The following CIMAP1C variants were observed in gnomAD, a reference collection of about 807,000 sequenced individuals.
CIMAP1C encodes the protein ciliary microtubule associated protein 1C.
At chr15:75,726,982 G>C in the CIMAP1C span, 2 of 1,540,676 alleles carry the variant, frequency 1.3e-6, no homozygotes. Flanking sequence ...TGGATAACCA[G>C]GACCATCAGT....
chr15:75,727,244 G>A, the CIMAP1C span: 1 of 1,614,192 alleles, frequency 6.2e-7, no homozygotes, highest in Non-Finnish European at 8.5e-7. Context: ...CAGCCGAGCT[G>A]CTCCCTGCTA....
the CIMAP1C span, chr15:75,727,239 G>A: frequency 8.1e-6 from 13 of 1,614,106 alleles, no homozygotes; most frequent in Admixed American, 1.7e-5. Context: ...CCTGTCAGCC[G>A]AGCTGCTCCC....
At chr15:75,726,130 G>A in the CIMAP1C span, 2 of 1,613,836 alleles carry the variant, frequency 1.2e-6, no homozygotes, top group Non-Finnish European at 1.7e-6. Context: ...GGAATGTCCA[G>A]CTGCCCGCAG....
chr15:75,726,136 C>T, the CIMAP1C span: 22 of 1,613,212 alleles, frequency 1.4e-5, no homozygotes, highest in East Asian at 2.2e-5. Context: ...TCCAGCTGCC[C>T]GCAGGTCCCC....
At chr15:75,725,025 T>C in the CIMAP1C span, 1 of 864,878 alleles carries the variant, frequency 1.2e-6, no homozygotes, top group Non-Finnish European at 1.9e-6. Context: ...ACCCCCAATG[T>C]TCCCATGGTG....
At chr15:75,727,128 C>A in the CIMAP1C span, 1 of 1,614,054 alleles carries the variant, frequency 6.2e-7, no homozygotes, top group Non-Finnish European at 8.5e-7. Flanking sequence ...GAACGCAGGG[C>A]TCCCCAGTAC....
the CIMAP1C span, chr15:75,725,235 C>T: frequency 1.2e-5 from 19 of 1,555,442 alleles, no homozygotes; most frequent in South Asian, 3.3e-5. Context: ...GTTGCCACCC[C>T]AGTCATCCGG....
chr15:75,725,767 GC>G, the CIMAP1C span, among the ~76,000 whole-genome samples: 579 of 152,356 alleles, frequency 3.8e-3, 3 homozygotes, highest in African/African-American at 0.012. Flanking sequence ...TTTGCTGAAT[GC>G]CCACAGCAGC....
chr15:75,724,289 G>A, the CIMAP1C span: 1 of 1,613,794 alleles, frequency 6.2e-7, no homozygotes, highest in Non-Finnish European at 8.5e-7. Flanking sequence ...AGGTCAAGCA[G>A]ACCCCTGTCA....
At chr15:75,724,590 C>G in the CIMAP1C span, among the ~76,000 whole-genome samples, 1 of 152,346 alleles carries the variant, frequency 6.6e-6, no homozygotes, top group Admixed American at 6.5e-5. Context: ...CAATTTTACT[C>G]TCAAGGGACA....
At chr15:75,725,909 C>G in the CIMAP1C span, 1 of 607,802 alleles carries the variant, frequency 1.6e-6, no homozygotes, top group Non-Finnish European at 3.0e-6. Context: ...GTTAAAAGTC[C>G]CATTTTACAG....
At chr15:75,726,528 G>C in the CIMAP1C span, among the ~76,000 whole-genome samples, 1 of 152,166 alleles carries the variant, frequency 6.6e-6, no homozygotes, top group African/African-American at 2.4e-5. Context: ...AATCCAAGGG[G>C]AATGTTATGA....
At chr15:75,725,760 G>A in the CIMAP1C span, among the ~76,000 whole-genome samples, 1 of 152,174 alleles carries the variant, frequency 6.6e-6, no homozygotes, top group African/African-American at 2.4e-5. Context: ...CTGGGCCTTT[G>A]CTGAATGCCC....
At chr15:75,725,295 TCTCTGTAG>T in the CIMAP1C span, 26 of 1,131,084 alleles carry the variant, frequency 2.3e-5, 1 homozygote, top group Middle Eastern at 7.8e-4. Context: ...ATGGAGCCAT[TCTCTGTAG>T]CCACTGGGAA....
the CIMAP1C span, chr15:75,725,015 A>G: frequency 2.5e-6 from 2 of 792,656 alleles, no homozygotes; most frequent in South Asian, 3.0e-5. Context: ...AAGAACAAAT[A>G]CCCCCAATGT....
chr15:75,727,223 A>G, the CIMAP1C span: 3 of 1,614,116 alleles, frequency 1.9e-6, no homozygotes, highest in Non-Finnish European at 2.5e-6. Context: ...GCTGGGGCCC[A>G]ACACCCCTGT....
the CIMAP1C span, chr15:75,725,104 A>G: frequency 6.2e-7 from 1 of 1,609,800 alleles, no homozygotes; most frequent in Non-Finnish European, 8.5e-7. Flanking sequence ...GTCCATCCTT[A>G]CAGGTCCGGG....
the CIMAP1C span, chr15:75,727,390 C>T: frequency 1.3e-5 from 21 of 1,614,104 alleles, no homozygotes; most frequent in East Asian, 1.8e-4. Flanking sequence ...CCAAGCGCTT[C>T]GCCTACCCTC....
the CIMAP1C span, chr15:75,724,409 T>TTGA: frequency 1.2e-6 from 1 of 862,202 alleles, no homozygotes; most frequent in Non-Finnish European, 1.9e-6. Context: ...TCCAACTTCC[T>TTGA]TGAAGCCTTA....
Sources: gnomAD v4.1 joint callset for allele counts (sites outside exome capture counted in the v4.1 genomes callset) on GRCh38, gnomAD v4.1.1 for gene constraint, MANE v1.5 for transcripts, NCBI Gene and HGNC (gene_info 2026-07-23, HGNC 2026-07-21) for gene names.